The following KLF12 variants were observed in gnomAD, a reference collection of about 807,000 sequenced individuals.
KLF12 encodes the protein Krueppel-like factor 12.
In KLF12, 9 loss-of-function variants were observed where a neutral mutation model predicts 37.8. The observed-to-expected ratio is 0.24, with a 90% confidence interval of 0.14 to 0.42. The LOEUF is 0.42. Ranked by LOEUF, KLF12 falls within the 10% of genes least tolerant of loss-of-function variation. KLF12 has a pLI of 1.00. For synonymous variants in KLF12, 208 were observed against 202.1 expected (o/e 1.03, Z -0.25); for missense variants, 411 against 516.0 (o/e 0.80, Z 1.97).
chr13:74,153,592 C>T, the KLF12 span, among the ~76,000 whole-genome samples: 3 of 152,302 alleles, frequency 2.0e-5, no homozygotes, highest in African/African-American at 7.2e-5. Flanking sequence ...CCCTCATTGG[C>T]TTTTACCACA....
intron 3 of KLF12, among the ~76,000 whole-genome samples, chr13:73,866,991 A>G (rs1002221430): frequency 6.6e-6 from 1 of 152,206 alleles, no homozygotes; most frequent in African/African-American, 2.4e-5. Context: ...CACAGGGGCA[A>G]TGTAATTTAT....
chr13:74,239,450 A>G, the KLF12 span, among the ~76,000 whole-genome samples: 2 of 121,804 alleles, frequency 1.6e-5, no homozygotes, highest in Middle Eastern at 3.6e-3. Flanking sequence ...GTAGATGTCT[A>G]TTAGGTCTGC....
At chr13:74,130,985 A>C (rs1306851351) in intron 1 of KLF12, among the ~76,000 whole-genome samples, 3 of 152,236 alleles carry the variant, frequency 2.0e-5, no homozygotes, top group African/African-American at 4.8e-5. Flanking sequence ...AAAAATGTCC[A>C]GGACCTCTAT....
intron 6 of KLF12, among the ~76,000 whole-genome samples, chr13:73,718,015 A>G (rs1875945090): frequency 1.3e-5 from 2 of 152,218 alleles, no homozygotes; most frequent in Admixed American, 6.5e-5. Flanking sequence ...ATCTTTTAAA[A>G]GTGAGAAAAT....
intron 5 of KLF12, among the ~76,000 whole-genome samples, chr13:73,787,510 G>T (rs1293314263): frequency 6.6e-6 from 1 of 152,144 alleles, no homozygotes; most frequent in East Asian, 1.9e-4. Flanking sequence ...TTGAGTTCTT[G>T]CTCTGTGCCA....
intron 6 of KLF12, among the ~76,000 whole-genome samples, chr13:73,724,299 G>C (rs1876499215): frequency 6.6e-6 from 1 of 152,144 alleles, no homozygotes. Flanking sequence ...ACAGAAAACT[G>C]AACACTGCAT....
At chr13:74,280,816 TTC>T in the KLF12 span, among the ~76,000 whole-genome samples, 1 of 130,586 alleles carries the variant, frequency 7.7e-6, no homozygotes, top group Admixed American at 9.0e-5. Context: ...CATCTTTTTT[TTC>T]TTTTTTCTTT....
chr13:73,960,863 T>C (rs1385360723), intron 2 of KLF12, among the ~76,000 whole-genome samples: 1 of 152,146 alleles, frequency 6.6e-6, no homozygotes, highest in Non-Finnish European at 1.5e-5. Flanking sequence ...AATAGACAAA[T>C]GGACACATTA....
chr13:74,003,208 T>C (rs529548591), intron 1 of KLF12, among the ~76,000 whole-genome samples: 2 of 152,226 alleles, frequency 1.3e-5, no homozygotes, highest in Non-Finnish European at 2.9e-5. Context: ...TGGAAGGAAA[T>C]CAGTTTAGTT....
chr13:73,863,441 T>C (rs1886027053), intron 3 of KLF12, among the ~76,000 whole-genome samples: 1 of 149,052 alleles, frequency 6.7e-6, no homozygotes, highest in Admixed American at 6.7e-5. Flanking sequence ...CTTACAACAG[T>C]GCTAATATTA....
chr13:73,785,890 T>G (rs571149318), intron 5 of KLF12, among the ~76,000 whole-genome samples: 3 of 152,266 alleles, frequency 2.0e-5, no homozygotes, highest in African/African-American at 7.2e-5. Flanking sequence ...TCTGGGCAGA[T>G]AGCGGAAGGC....
the KLF12 span, among the ~76,000 whole-genome samples, chr13:74,150,072 T>G: frequency 2.3e-3 from 347 of 152,352 alleles, no homozygotes; most frequent in African/African-American, 8.1e-3. Flanking sequence ...AAACATAGTT[T>G]GCTTGCTTTT....
the KLF12 span, among the ~76,000 whole-genome samples, chr13:74,216,147 A>C: frequency 6.6e-6 from 1 of 152,152 alleles, no homozygotes; most frequent in Non-Finnish European, 1.5e-5. Flanking sequence ...TAACTCTTTC[A>C]AATTCTTTTT....
rs565260271 is a variant in KLF12, at chr13:74,005,907, C to T, written c.-31-10854G>A. Among the ~76,000 whole-genome samples, 8 of 152,300 alleles carry T rather than the reference C, an allele frequency of 5.3e-5. No homozygotes were observed. In the East Asian group the frequency reaches 7.7e-4, roughly 15 times the overall value. ...CAGCTTCATAAGATGCTTTATACTA[C>T]ATACTACTACTTCAAGTATTCTTTT... On this transcript the variant is annotated intron_variant, in intron 1 of 7. Coordinates refer to ENST00000377669, the MANE Select transcript of KLF12 (RefSeq NM_007249.5).
At chr13:73,889,426 G>T (rs570602443) in intron 3 of KLF12, among the ~76,000 whole-genome samples, 1 of 152,228 alleles carries the variant, frequency 6.6e-6, no homozygotes, top group African/African-American at 2.4e-5. Flanking sequence ...AGTGTGTAAT[G>T]TCTACAATGT....
the KLF12 span, among the ~76,000 whole-genome samples, chr13:74,161,503 G>C: frequency 6.6e-6 from 1 of 152,244 alleles, no homozygotes; most frequent in South Asian, 2.1e-4. Context: ...ATGCCACGGG[G>C]TGCCAGAAGC....
intron 1 of KLF12, among the ~76,000 whole-genome samples, chr13:74,097,620 C>G (rs944049350): frequency 2.0e-5 from 3 of 152,010 alleles, no homozygotes; most frequent in African/African-American, 7.2e-5. Flanking sequence ...ACCATCATCT[C>G]AATATTTTAA....
intron 4 of KLF12, among the ~76,000 whole-genome samples, chr13:73,833,343 T>A (rs570372483): frequency 5.9e-5 from 9 of 152,304 alleles, no homozygotes; most frequent in Non-Finnish European, 1.0e-4. Context: ...TACTAAAACC[T>A]AAATCACATC....
the KLF12 span, among the ~76,000 whole-genome samples, chr13:74,173,371 C>T: frequency 1.3e-5 from 2 of 152,188 alleles, 1 homozygote; most frequent in South Asian, 4.1e-4. Context: ...TTCTTTTGGG[C>T]ATGCAGCTGG....
Sources: allele counts gnomAD v4.1 joint callset (sites outside exome capture counted in the v4.1 genomes callset), GRCh38; gene constraint gnomAD v4.1.1; transcripts MANE v1.5; gene names NCBI Gene and HGNC (gene_info 2026-07-23, HGNC 2026-07-21).